The following CC2D2A variants were observed in gnomAD, a reference collection of about 807,000 sequenced individuals.
CC2D2A encodes the protein coiled-coil and C2 domain containing 2A, also known as coiled-coil and C2 domain-containing protein 2A.
In CC2D2A, 155 loss-of-function variants were observed where a neutral mutation model predicts 212.9. That is an observed-to-expected ratio of 0.73 (90% CI 0.64 to 0.83). CC2D2A has a LOEUF of 0.83. CC2D2A is among the 40% of genes least tolerant of loss of function. CC2D2A has a pLI of 0.00. For missense variants in CC2D2A, 1,856 were observed against 1,956.2 expected (o/e 0.95, Z 0.97); for synonymous variants, 667 against 686.5 (o/e 0.97, Z 0.44).
At chr4:15,537,824 C>T in intron 15 of CC2D2A, 75 bp from the exon 16 acceptor site, 1 of 1,458,754 alleles carries the variant, frequency 6.9e-7, no homozygotes, top group Non-Finnish European at 9.3e-7. Flanking sequence ...CCAGGTCCAT[C>T]TGGCTATGAA....
chr4:15,498,039 T>C (rs1715716134), intron 4 of CC2D2A, among the ~76,000 whole-genome samples: 1 of 152,116 alleles, frequency 6.6e-6, no homozygotes, highest in Non-Finnish European at 1.5e-5. Flanking sequence ...CAGAAGTCCT[T>C]AGGAGAAAAA....
At chr4:15,513,765 G>T (rs1272155812) in intron 8 of CC2D2A, among the ~76,000 whole-genome samples, 2 of 152,192 alleles carry the variant, frequency 1.3e-5, no homozygotes, top group African/African-American at 2.4e-5. Context: ...CTGCCATCTG[G>T]TGATCTTTCT....
intron 17 of CC2D2A, among the ~76,000 whole-genome samples, chr4:15,543,335 AAAAC>A (rs1407680572): frequency 6.6e-6 from 1 of 152,218 alleles, no homozygotes; most frequent in Non-Finnish European, 1.5e-5. Context: ...AACTTGAAAA[AAAAC>A]AAACTTTTTT....
intron 36 of CC2D2A, among the ~76,000 whole-genome samples, chr4:15,600,054 C>G (rs1353051908): frequency 6.6e-6 from 1 of 152,162 alleles, no homozygotes; most frequent in Non-Finnish European, 1.5e-5. Context: ...ATACTGATTG[C>G]TTTTCATTGC....
chr4:15,586,253 A>G lies in CC2D2A; in HGVS notation c.4065+7A>G. ...CCTCTGGAGCACATCTGATGTAAGT[A>G]GTTCTTCTTCACAGATTTAGAAACT... On this transcript the variant is annotated splice_region_variant and intron_variant, in intron 31 of 36. Coordinates refer to ENST00000424120, the MANE Select transcript of CC2D2A (RefSeq NM_001378615.1). 6.5e-7 allele frequency: 1 copy of G among 1,533,748 alleles called. No homozygotes were observed. The highest frequency in any genetic ancestry group is 8.8e-7 in the Non-Finnish European group (1 of 1,133,816).
intron 4 of CC2D2A, among the ~76,000 whole-genome samples, chr4:15,498,557 T>C (rs1223146955): frequency 6.6e-6 from 1 of 152,166 alleles, no homozygotes; most frequent in Admixed American, 6.6e-5. Flanking sequence ...TTCGAGATCA[T>C]GCAGCTGATT....
intron 33 of CC2D2A, among the ~76,000 whole-genome samples, chr4:15,590,272 T>C (rs1007064717): frequency 6.6e-6 from 1 of 152,184 alleles, no homozygotes; most frequent in Non-Finnish European, 1.5e-5. Context: ...CCCAGCACTT[T>C]GGGAGGCCAA....
At chr4:15,537,746 AGAG>A (rs1320328628) in intron 15 of CC2D2A, among the ~76,000 whole-genome samples, 150 bp from the exon 16 acceptor site, 2 of 152,152 alleles carry the variant, frequency 1.3e-5, no homozygotes, top group Non-Finnish European at 2.9e-5. Flanking sequence ...TGAGGCACAG[AGAG>A]GTCAGGTGGC....
intron 4 of CC2D2A, among the ~76,000 whole-genome samples, chr4:15,501,762 G>A (rs1034939881): frequency 1.3e-5 from 2 of 152,030 alleles, no homozygotes; most frequent in African/African-American, 2.4e-5. Context: ...TGTGATACCC[G>A]GTGATCATAA....
In CC2D2A at chr4:15,574,332, T is replaced by C. The variant is rs1283813494; in HGVS notation, c.3771+6T>C. 7 of 1,538,536 alleles carry C rather than the reference T, an allele frequency of 4.5e-6. No homozygotes were observed. The highest frequency in any genetic ancestry group is 5.3e-6 in the Non-Finnish European group (6 of 1,139,980). On this transcript the variant is annotated splice_donor_region_variant and intron_variant, in intron 29 of 36. Coordinates refer to ENST00000424120, the MANE Select transcript of CC2D2A (RefSeq NM_001378615.1). ...GAGAGTCCATTCGAGAAAAGGTAAC[T>C]ACTTATAGTTTGGAAACCCATGTCT...
At position 15,586,264 on chromosome 4, in the gene CC2D2A, A is replaced by G. The variant is rs1158211426; in HGVS notation, c.4065+18A>G. 65 of 1,486,294 alleles carry G rather than the reference A, an allele frequency of 4.4e-5. No individual in the cohort carries two copies. The highest frequency in any genetic ancestry group is 5.8e-5 in the Non-Finnish European group (64 of 1,096,206). 92.1% of individuals were successfully genotyped at this position (1,486,294 alleles called of 1,614,324 possible). A position where few individuals can be genotyped will look rare whatever the true frequency, so the allele number is the denominator to read the frequency against. The stretch of plus-strand genomic sequence containing the variant: ...CATCTGATGTAAGTAGTTCTTCTTC[A>G]CAGATTTAGAAACTTGAGCTGACTT... On this transcript the variant is annotated intron_variant, in intron 31 of 36. Coordinates refer to ENST00000424120, the MANE Select transcript of CC2D2A (RefSeq NM_001378615.1).
intron 4 of CC2D2A, among the ~76,000 whole-genome samples, chr4:15,487,892 A>T (rs1715091077): frequency 1.3e-5 from 2 of 151,904 alleles, no homozygotes; most frequent in Admixed American, 6.6e-5. Flanking sequence ...TGACAACTTA[A>T]ATCTGATCAC....
At position 15,555,193 on chromosome 4, in the gene CC2D2A, T is replaced by C. The variant is rs2109055522; in HGVS notation, c.2608T>C (p.Leu870=). 1 of 1,613,598 alleles carries C rather than the reference T, an allele frequency of 6.2e-7. No individual in the cohort carries two copies. Among genetic ancestry groups the C allele is most frequent in the Non-Finnish European group, 8.5e-7 (1 of 1,179,716 alleles). Residue 870 remains leucine (L), a synonymous_variant, in exon 20 of 37, where the codon TTG becomes CTG. Coordinates refer to ENST00000424120, the MANE Select transcript of CC2D2A (RefSeq NM_001378615.1). The stretch of plus-strand genomic sequence containing the variant: ...CCCAAATGACCCCAACAATGCCCCT[T>C]TGATGCAGCTTATCTCGGTATGTAG... ...LDPNDPNNAP[L]MQLISVATSG...
chr4:15,512,726 C>T (rs1162368337), intron 8 of CC2D2A, among the ~76,000 whole-genome samples: 1 of 152,024 alleles, frequency 6.6e-6, no homozygotes, highest in African/African-American at 2.4e-5. Context: ...CCGAGGAGGG[C>T]GGATCACCTA....
intron 4 of CC2D2A, among the ~76,000 whole-genome samples, chr4:15,493,628 TC>T (rs1715442881): frequency 6.6e-6 from 1 of 152,142 alleles, no homozygotes; most frequent in Non-Finnish European, 1.5e-5. Flanking sequence ...TATCCCCTGA[TC>T]CTGTGTTATT....
In CC2D2A at chr4:15,475,977, T is replaced by A; in HGVS notation, c.39+6T>A. 6.3e-7 allele frequency: 1 copy of A among 1,587,748 alleles called. No individual in the cohort carries two copies. The stretch of plus-strand genomic sequence containing the variant: ...AAGTAAAAATAATTACAGAGGTAAG[T>A]GGCCACTTTGATGTCCTCTAGGGAT... On this transcript the variant is annotated splice_donor_region_variant and intron_variant, in intron 2 of 36. Coordinates refer to ENST00000424120, the MANE Select transcript of CC2D2A (RefSeq NM_001378615.1).
chr4:15,496,991 A>G (rs186797710), intron 4 of CC2D2A, among the ~76,000 whole-genome samples: 18 of 152,344 alleles, frequency 1.2e-4, no homozygotes, highest in Admixed American at 1.2e-3. Context: ...ATACTGCTCA[A>G]GGCAATTTAA....
chr4:15,491,216 C>T (rs1042074533), intron 4 of CC2D2A, among the ~76,000 whole-genome samples: 4 of 152,264 alleles, frequency 2.6e-5, no homozygotes, highest in African/African-American at 7.2e-5. Flanking sequence ...CTGACAACAA[C>T]GTATGAAAGT....
At chr4:15,588,846 A>T (rs1394629524) in intron 32 of CC2D2A, among the ~76,000 whole-genome samples, 1 of 152,164 alleles carries the variant, frequency 6.6e-6, no homozygotes, top group Non-Finnish European at 1.5e-5. Flanking sequence ...AACTGTTGTG[A>T]GCATCAAGTG....
Sources: gnomAD v4.1 joint callset for allele counts (sites outside exome capture counted in the v4.1 genomes callset) on GRCh38, gnomAD v4.1.1 for gene constraint, MANE v1.5 for transcripts, NCBI Gene and HGNC (gene_info 2026-07-23, HGNC 2026-07-21) for gene names.